Variants in NFAM1 observed in about 807,000 individuals in gnomAD.
NFAM1 encodes NFAT activating protein with ITAM motif 1, also known as NFAT activation molecule 1.
Under a neutral mutation model 29.0 loss-of-function variants are expected in NFAM1, and 17 were observed. The observed-to-expected ratio is 0.59, with a 90% CI of 0.40 to 0.88. NFAM1 has a LOEUF of 0.88. Among genes scored for constraint, NFAM1 ranks in the 40% least tolerant of loss-of-function variants. NFAM1 has a pLI of 0.00. For synonymous variants in NFAM1, 175 were observed against 147.2 expected, an observed-to-expected ratio of 1.19 and a Z score of -1.36; for missense variants, 324 against 344.6, an observed-to-expected ratio of 0.94 and a Z score of 0.47.
rs1424423240 is a variant in NFAM1, at chr22:42,397,844, G to A, written c.663+14C>T. 4 of 1,551,038 alleles carry A rather than the reference G, an allele frequency of 2.6e-6. No individual in the cohort carries two copies. Among genetic ancestry groups the A allele is most frequent in the Admixed American group, 1.7e-5 (1 of 59,882 alleles). ...CTGAAAGAGGTGGAGGGAGCCGGGG[G>A]CCCCGGGACTCACTGTGTAGACAGA... On this transcript the variant is annotated intron_variant, in intron 4 of 5. Transcript: ENST00000329021.
chr22:42,387,913 G>A (rs1929206586), intron 4 of NFAM1, among the ~76,000 whole-genome samples: 1 of 152,206 alleles, frequency 6.6e-6, no homozygotes, highest in Non-Finnish European at 1.5e-5. Flanking sequence ...TGGCCTCACG[G>A]CTCCTGCACT....
intron 3 of NFAM1, among the ~76,000 whole-genome samples, chr22:42,399,283 C>A (rs1414720694): frequency 6.6e-6 from 1 of 151,746 alleles, no homozygotes; most frequent in East Asian, 1.9e-4. Context: ...CCCATCTCTA[C>A]TAAAAATATA....
At position 42,384,682 on chromosome 22, in the gene NFAM1, A is replaced by ATT. The variant is rs1012548550; in HGVS notation, c.*477_*478dup. ...CTCTGGCCCAGCTGGGTAGGTAGGG[A>ATT]TTTGCATAGCTGCTCCCCAGCTCCT... is the stretch of plus-strand genomic sequence containing the variant. On this transcript the variant is annotated 3_prime_UTR_variant, in exon 6 of 6. Coordinates refer to ENST00000329021, the MANE Select transcript of NFAM1 (RefSeq NM_145912.8). 3.5e-4 allele frequency: 60 copies of ATT among 173,050 alleles called. 1 individual carries two copies. Among genetic ancestry groups the ATT allele is most frequent in the African/African-American group, 1.3e-3 (55 of 41,842 alleles). 10.7% of individuals were successfully genotyped at this position (173,050 alleles called of 1,614,324 possible).
intron 3 of NFAM1, among the ~76,000 whole-genome samples, chr22:42,405,954 G>A (rs193113128): frequency 2.6e-5 from 4 of 152,234 alleles, no homozygotes; most frequent in Non-Finnish European, 2.9e-5. Context: ...GGTGAAAGGC[G>A]CCAAGCTCAT....
upstream of NFAM1, among the ~76,000 whole-genome samples, chr22:42,435,849 A>T (rs1223732590): frequency 8.1e-5 from 12 of 147,608 alleles, no homozygotes; most frequent in Admixed American, 8.1e-4. Flanking sequence ...GACAGGCTCA[A>T]AAAAGACTCC....
chr22:42,380,632 AT>A lies in NFAM1; in HGVS notation c.*4528del, dbSNP rs1356469988. 7 of 152,662 alleles carry A rather than the reference AT, an allele frequency of 4.6e-5. No homozygotes were observed. Among genetic ancestry groups the A allele is most frequent in the African/African-American group, 1.7e-4 (7 of 41,438 alleles). 9.5% of individuals were successfully genotyped at this position (152,662 alleles called of 1,614,324 possible). Reference sequence around the variant, plus strand: ...ATGACATCCCCTGGCATTGCAAGGAATGGAGTGACGCCACTCAGCCTGGCTG... The same window carrying A: ...ATGACATCCCCTGGCATTGCAAGGAAGGAGTGACGCCACTCAGCCTGGCTG... On this transcript the variant is annotated 3_prime_UTR_variant, in exon 6 of 6. Transcript: ENST00000329021.
At chr22:42,390,686 G>A (rs1176785514) in intron 4 of NFAM1, among the ~76,000 whole-genome samples, 10 of 152,034 alleles carry the variant, frequency 6.6e-5, no homozygotes, top group Admixed American at 3.9e-4. Flanking sequence ...GCGTGGTGAC[G>A]GGTGCCTGTA....
At chr22:42,418,967 T>C (rs1280478494) in intron 1 of NFAM1, among the ~76,000 whole-genome samples, 1 of 151,994 alleles carries the variant, frequency 6.6e-6, no homozygotes, top group African/African-American at 2.4e-5. Context: ...TGGGAAAGAG[T>C]TTGTCAACCG....
chr22:42,389,952 C>A (rs1368518688), intron 4 of NFAM1, among the ~76,000 whole-genome samples: 2 of 152,136 alleles, frequency 1.3e-5, no homozygotes, highest in Non-Finnish European at 2.9e-5. Flanking sequence ...AAGGAACACA[C>A]TCCGTGGAGA....
chr22:42,432,214 A>G (rs1281479981), intron 1 of NFAM1, 23 bp downstream of exon 1: 1 of 1,560,252 alleles, frequency 6.4e-7, no homozygotes, highest in South Asian at 1.2e-5. Flanking sequence ...GAGAGTAGAG[A>G]GAAGGAGGAA....
intron 1 of NFAM1, among the ~76,000 whole-genome samples, chr22:42,421,386 G>A (rs995276035): frequency 1.6e-4 from 24 of 151,162 alleles, no homozygotes; most frequent in East Asian, 5.8e-4. Context: ...CAGAGGTTGC[G>A]GTGAGCCGAG....
At chr22:42,434,625 G>A (rs1259912337), upstream of NFAM1, among the ~76,000 whole-genome samples, 2 of 152,200 alleles carry the variant, frequency 1.3e-5, no homozygotes, top group African/African-American at 4.8e-5. Context: ...AAACCGCAGC[G>A]CATCCAGGAG....
chr22:42,416,464 C>T (rs1044659577), intron 1 of NFAM1, among the ~76,000 whole-genome samples: 2 of 152,262 alleles, frequency 1.3e-5, no homozygotes, highest in East Asian at 1.9e-4. Context: ...GGGGTGCTCA[C>T]ATTGGCACTG....
chr22:42,421,214 C>T (rs572554467), intron 1 of NFAM1, among the ~76,000 whole-genome samples: 22 of 152,106 alleles, frequency 1.4e-4, no homozygotes, highest in Admixed American at 7.2e-4. Context: ...ACTCTGGGAG[C>T]GTGAGGTGGG....
chr22:42,397,977 G>A, intron 3 of NFAM1, 21 bp from the exon 4 acceptor site: 2 of 1,412,098 alleles, frequency 1.4e-6, no homozygotes, highest in Non-Finnish European at 2.0e-6. Flanking sequence ...AAAGGAGTCA[G>A]GGCCAGGGAT....
chr22:42,411,578 T>C lies in NFAM1; in HGVS notation c.280A>G (p.Lys94Glu). Residue 94 changes from lysine to glutamate, a missense_variant, in exon 2 of 6, where the codon AAG (lysine) becomes GAG (glutamate). Transcript: ENST00000329021. ...CCAGGGTGGCAGTTTGTTGGCTTCT[T>C]AGGGCTCCTCTGTCCCTGGAGATCT... Reference protein sequence around the residue: ...HEDLQGQRSPKKPTNCHPGLG... With the variant: ...HEDLQGQRSPEKPTNCHPGLG... 2 of 1,614,210 alleles carry C rather than the reference T, an allele frequency of 1.2e-6. No homozygotes were observed. The highest frequency in any genetic ancestry group is 1.7e-5 in the Admixed American group (1 of 60,020).
At chr22:42,393,028 G>A (rs1026618471) in intron 4 of NFAM1, among the ~76,000 whole-genome samples, 3 of 151,960 alleles carry the variant, frequency 2.0e-5, no homozygotes, top group African/African-American at 7.3e-5. Context: ...TTGAACTCCT[G>A]ACCTCAGGTG....
At chr22:42,408,617 T>G (rs952790708) in intron 3 of NFAM1, among the ~76,000 whole-genome samples, 4 of 152,234 alleles carry the variant, frequency 2.6e-5, no homozygotes, top group African/African-American at 9.6e-5. Flanking sequence ...AGCACCACCA[T>G]GTGCTGGGCA....
upstream of NFAM1, among the ~76,000 whole-genome samples, chr22:42,432,640 G>A (rs990328866): frequency 1.3e-5 from 2 of 152,156 alleles, no homozygotes; most frequent in Admixed American, 1.3e-4. Flanking sequence ...TTTCCAGCAG[G>A]GGCCCCGTCC....
Sources: allele counts gnomAD v4.1 joint callset (sites outside exome capture counted in the v4.1 genomes callset), GRCh38; gene constraint gnomAD v4.1.1; transcripts MANE v1.5; gene names NCBI Gene and HGNC (gene_info 2026-07-23, HGNC 2026-07-21).